The following CNTN5 variants were observed in gnomAD, a reference collection of about 807,000 sequenced individuals.
The protein encoded by CNTN5 is contactin-5.
Under a neutral mutation model 129.1 loss-of-function variants are expected in CNTN5, and 77 were observed. The observed-to-expected ratio is 0.60, with a 90% CI of 0.50 to 0.72. CNTN5 has a LOEUF of 0.72. CNTN5 is among the 30% of genes least tolerant of loss of function. The probability of loss-of-function intolerance (pLI) is 0.00; values close to 1 mark genes in which losing one functional copy is unlikely to be tolerated. For missense variants in CNTN5, 1,478 were observed against 1,328.8 expected (o/e 1.11, Z -1.75); for synonymous variants, 509 against 465.6 (o/e 1.09, Z -1.20).
chr11:99,426,417 A>C (rs549942446), intron 2 of CNTN5, among the ~76,000 whole-genome samples: 1 of 152,230 alleles, frequency 6.6e-6, no homozygotes, highest in Non-Finnish European at 1.5e-5. Flanking sequence ...AATGAGACCT[A>C]ATAAAGACAT....
intron 1 of CNTN5, among the ~76,000 whole-genome samples, chr11:99,272,328 C>T (rs1459423059): frequency 2.7e-5 from 4 of 150,844 alleles, no homozygotes; most frequent in African/African-American, 9.7e-5. Flanking sequence ...AATCATAATT[C>T]ACTGATTGGT....
intron 8 of CNTN5, among the ~76,000 whole-genome samples, chr11:99,964,953 T>C (rs1363909064): frequency 3.3e-5 from 5 of 152,224 alleles, no homozygotes; most frequent in East Asian, 1.9e-4. Flanking sequence ...TGCGTAGAGA[T>C]GTTTACAGTA....
intron 16 of CNTN5, among the ~76,000 whole-genome samples, chr11:100,229,255 C>T (rs765155870): frequency 1.3e-4 from 20 of 152,046 alleles, no homozygotes; most frequent in Admixed American, 3.3e-4. Flanking sequence ...AGATTTTGTT[C>T]GTTGTGTTGA....
At chr11:99,629,529 A>G (rs1951258753) in intron 3 of CNTN5, among the ~76,000 whole-genome samples, 1 of 152,018 alleles carries the variant, frequency 6.6e-6, no homozygotes, top group African/African-American at 2.4e-5. Flanking sequence ...TTAAATAAGT[A>G]TTAGCATATT....
chr11:99,334,837 CTT>C (rs1565499126), intron 2 of CNTN5, among the ~76,000 whole-genome samples: 1 of 152,058 alleles, frequency 6.6e-6, no homozygotes, highest in African/African-American at 2.4e-5. Flanking sequence ...ATTCTTTTTT[CTT>C]AATTGTTACT....
chr11:99,790,559 A>G (rs1428254083), intron 3 of CNTN5, among the ~76,000 whole-genome samples: 1 of 152,028 alleles, frequency 6.6e-6, no homozygotes, highest in Non-Finnish European at 1.5e-5. Context: ...CATTTTCTTT[A>G]CCCAGTCTAC....
intron 1 of CNTN5, among the ~76,000 whole-genome samples, chr11:99,323,265 G>T (rs749976255): frequency 4.6e-5 from 7 of 152,130 alleles, no homozygotes; most frequent in Non-Finnish European, 7.4e-5. Context: ...GAAACTTAAA[G>T]AAGTCTGACT....
At chr11:99,788,863 A>T (rs2135424373) in intron 3 of CNTN5, among the ~76,000 whole-genome samples, 1 of 151,968 alleles carries the variant, frequency 6.6e-6, no homozygotes, top group East Asian at 1.9e-4. Flanking sequence ...GCTTTTTATT[A>T]AGGGGGCTCA....
At chr11:100,324,303 G>GTGAACTATAACC (rs1437256240) in intron 21 of CNTN5, among the ~76,000 whole-genome samples, 3 of 152,122 alleles carry the variant, frequency 2.0e-5, no homozygotes, top group Non-Finnish European at 4.4e-5. Context: ...TTAGTGAATG[G>GTGAACTATAACC]CTATACATTG....
chr11:100,205,588 T>C (rs1207130679), intron 15 of CNTN5, among the ~76,000 whole-genome samples: 2 of 152,088 alleles, frequency 1.3e-5, no homozygotes, highest in African/African-American at 4.8e-5. Context: ...CATTTATCAG[T>C]GTACAATACA....
intron 3 of CNTN5, among the ~76,000 whole-genome samples, chr11:99,775,457 A>G (rs923364579): frequency 5.3e-5 from 8 of 152,086 alleles, no homozygotes; most frequent in Non-Finnish European, 1.2e-4. Context: ...CCAGTTAAAT[A>G]TAAAAATATA....
intron 3 of CNTN5, among the ~76,000 whole-genome samples, chr11:99,797,798 T>G (rs1159972832): frequency 6.6e-6 from 1 of 152,154 alleles, no homozygotes; most frequent in Non-Finnish European, 1.5e-5. Flanking sequence ...TTGTCAATTT[T>G]TGTGTGTGTT....
chr11:99,394,447 C>T (rs1483654670), intron 2 of CNTN5, among the ~76,000 whole-genome samples: 1 of 151,434 alleles, frequency 6.6e-6, no homozygotes, highest in African/African-American at 2.4e-5. Context: ...ATAAATTCAT[C>T]TTTCATTTCA....
At chr11:99,645,818 G>T (rs1412752465) in intron 3 of CNTN5, among the ~76,000 whole-genome samples, 1 of 151,236 alleles carries the variant, frequency 6.6e-6, no homozygotes, top group Non-Finnish European at 1.5e-5. Context: ...CTAGGGGAGC[G>T]AGAGCATTAG....
intron 2 of CNTN5, among the ~76,000 whole-genome samples, chr11:99,507,292 G>T (rs1012250216): frequency 1.4e-5 from 2 of 147,818 alleles, no homozygotes; most frequent in African/African-American, 2.5e-5. Flanking sequence ...CAGGAGAATC[G>T]CTTGAACCCG....
intron 1 of CNTN5, among the ~76,000 whole-genome samples, chr11:99,281,437 G>T (rs1863688469): frequency 6.6e-6 from 1 of 152,002 alleles, no homozygotes; most frequent in Non-Finnish European, 1.5e-5. Context: ...TCAGCTAAGA[G>T]TGAGTGCTTC....
chr11:99,754,311 A>G (rs771548583), intron 3 of CNTN5, among the ~76,000 whole-genome samples: 5 of 152,168 alleles, frequency 3.3e-5, no homozygotes, highest in Non-Finnish European at 7.4e-5. Flanking sequence ...CTGTCTTAAA[A>G]GCTCCTTAGC....
chr11:99,964,277 G>C (rs143501344), intron 8 of CNTN5, among the ~76,000 whole-genome samples: 10,815 of 152,230 alleles, frequency 0.071, 781 homozygotes, highest in East Asian at 0.32. Context: ...TGCCCATTCA[G>C]TATGGTATTG....
At chr11:99,444,106 C>T (rs771085394) in intron 2 of CNTN5, among the ~76,000 whole-genome samples, 3 of 151,686 alleles carry the variant, frequency 2.0e-5, no homozygotes, top group Non-Finnish European at 2.9e-5. Context: ...GGTTGAGGTA[C>T]GAGAATCACT....
Sources: allele counts gnomAD v4.1 joint callset (sites outside exome capture counted in the v4.1 genomes callset), GRCh38; gene constraint gnomAD v4.1.1; transcripts MANE v1.5; gene names NCBI Gene and HGNC (gene_info 2026-07-23, HGNC 2026-07-21).